Variants in OSBPL8 observed in about 807,000 individuals in gnomAD.
The protein encoded by OSBPL8 is oxysterol binding protein like 8.
Under a neutral mutation model 125.5 loss-of-function variants are expected in OSBPL8, and 59 were observed. The observed-to-expected ratio is 0.47, with a 90% CI of 0.38 to 0.58. The LOEUF (loss-of-function observed/expected upper bound fraction) is 0.58, where lower values mean the gene tolerates loss of function less well. OSBPL8 is among the 20% of genes least tolerant of loss of function. The probability of loss-of-function intolerance (pLI) is 0.00; values close to 1 mark genes in which losing one functional copy is unlikely to be tolerated. For missense variants in OSBPL8, 758 were observed against 1,047.8 expected, an observed-to-expected ratio of 0.72 and a Z score of 3.82; for synonymous variants, 330 against 338.9, an observed-to-expected ratio of 0.97 and a Z score of 0.29.
chr12:76,366,080 T>G (rs1373369030), intron 21 of OSBPL8, among the ~76,000 whole-genome samples: 1 of 152,232 alleles, frequency 6.6e-6, no homozygotes, highest in Non-Finnish European at 1.5e-5. Flanking sequence ...GCTTTGGCAT[T>G]AGGGTAATGT....
chr12:76,505,621 T>A (rs959745965), intron 1 of OSBPL8, among the ~76,000 whole-genome samples: 6 of 152,066 alleles, frequency 3.9e-5, no homozygotes, highest in African/African-American at 1.4e-4. Context: ...TAGGCTTCAT[T>A]GAAATGACTC....
At chr12:76,382,482 T>A (rs1185581376) in intron 15 of OSBPL8, among the ~76,000 whole-genome samples, 1 of 152,188 alleles carries the variant, frequency 6.6e-6, no homozygotes, top group African/African-American at 2.4e-5. Flanking sequence ...ATTCCTGGCA[T>A]CTACCTACTG....
chr12:76,514,791 T>C (rs1452069107), intron 1 of OSBPL8, among the ~76,000 whole-genome samples: 1 of 152,224 alleles, frequency 6.6e-6, no homozygotes, highest in African/African-American at 2.4e-5. Flanking sequence ...AAGACACCAA[T>C]GATTCATAGA....
chr12:76,439,331 A>C (rs1871893821), intron 4 of OSBPL8, among the ~76,000 whole-genome samples: 1 of 151,992 alleles, frequency 6.6e-6, no homozygotes, highest in African/African-American at 2.4e-5. Context: ...GTGACCCAAG[A>C]TCATGCCACT....
chr12:76,450,934 T>C lies in OSBPL8; in HGVS notation c.134A>G (p.Gln45Arg). The C allele has an allele frequency of 6.2e-7, 1 of 1,614,066 alleles. No homozygotes were observed. Among genetic ancestry groups the C allele is most frequent in the Admixed American group, 1.7e-5 (1 of 60,008 alleles). Residue 45 changes from glutamine to arginine, a missense_variant, in exon 4 of 24, where the codon CAG becomes CGG. Around this residue, in one of 3 missense-constraint regions of OSBPL8, gnomAD observed 117 missense variants for 137.1 expected, o/e 0.85. Coordinates refer to ENST00000261183, the MANE Select transcript of OSBPL8 (RefSeq NM_020841.5). The part of the protein sequence containing the change: ...SQLLTPGKMS[Q>R]RQGKEAYPTP... ...TGGATAAGCTTCTTTTCCTTGGCGCTGACTCATCTTTCCTGGTGTCAGAAG... is the reference window on the plus strand; with the variant it reads ...TGGATAAGCTTCTTTTCCTTGGCGCCGACTCATCTTTCCTGGTGTCAGAAG...
At chr12:76,471,065 TAAG>T (rs992888286) in intron 2 of OSBPL8, among the ~76,000 whole-genome samples, 1 of 152,170 alleles carries the variant, frequency 6.6e-6, no homozygotes, top group Non-Finnish European at 1.5e-5. Flanking sequence ...TCTCTTTCAA[TAAG>T]AATAAGAGAA....
At chr12:76,459,833 A>G (rs1874494032) in intron 3 of OSBPL8, 26 bp downstream of exon 3, 5 of 1,613,388 alleles carry the variant, frequency 3.1e-6, no homozygotes, top group Non-Finnish European at 4.2e-6. Flanking sequence ...GTCCCCAAAC[A>G]TGCCGTTCAA....
intron 5 of OSBPL8, among the ~76,000 whole-genome samples, chr12:76,406,848 T>C (rs1167017929): frequency 7.2e-5 from 11 of 151,914 alleles, no homozygotes; most frequent in African/African-American, 2.2e-4. Flanking sequence ...CCTGGGCTCA[T>C]GCAATTCTTC....
Position 76,384,308 on chromosome 12 carries a change from G to A in OSBPL8, c.1576C>T (p.Arg526Ter). 6.4e-7 allele frequency: 1 copy of A among 1,567,988 alleles called. No individual in the cohort carries two copies. The highest frequency in any genetic ancestry group is 8.7e-7 in the Non-Finnish European group (1 of 1,150,198). The change falls in exon 15 of 24, where the codon CGA becomes TGA. Residue 526 changes from arginine (R) to a stop codon, truncating the protein, a stop_gained. Coordinates refer to ENST00000261183, the MANE Select transcript of OSBPL8 (RefSeq NM_020841.5). LOFTEE classifies it high-confidence loss of function. Reference protein sequence around the residue: ...PPISAFYVSNRKDGFCLSGSI... With the variant: ...PPISAFYVSN ...CCGCTAAGGCAAAATCCATCTTTTC[G>A]ATTACTAACATAAAAGGCAGATATT... is the stretch of plus-strand genomic sequence containing the variant.
intron 4 of OSBPL8, among the ~76,000 whole-genome samples, chr12:76,421,860 A>G (rs527480364): frequency 6.6e-6 from 1 of 150,616 alleles, no homozygotes; most frequent in South Asian, 2.1e-4. Flanking sequence ...TTTAATGCCT[A>G]AATCATAGCT....
chr12:76,364,572 C>T (rs1377381212), intron 21 of OSBPL8, among the ~76,000 whole-genome samples: 3 of 152,140 alleles, frequency 2.0e-5, no homozygotes, highest in African/African-American at 7.2e-5. Context: ...ATGGGTGCAG[C>T]AAACCACCAT....
chr12:76,373,261 A>G, intron 18 of OSBPL8, 83 bp downstream of exon 18: 2 of 869,880 alleles, frequency 2.3e-6, no homozygotes, highest in Non-Finnish European at 1.7e-6. Flanking sequence ...TCAGCAACGG[A>G]ATAAGTTTTA....
rs73383553 is a variant in OSBPL8 at position 76,405,181 on chromosome 12, G to A, written c.289-2415C>T. 5.9e-3 allele frequency among the ~76,000 whole-genome samples: 892 copies of A among 152,182 alleles called. 13 individuals carry two copies. Among genetic ancestry groups the A allele is most frequent in the African/African-American group, 0.021 (857 of 41,516 alleles). ...TATGAACAAGGAGAAATCTGTGGCC[G>A]GGCATGGTGACTCATGCTGGTAATC... On this transcript the variant is annotated intron_variant, in intron 5 of 23. Transcript: ENST00000261183.
chr12:76,455,696 A>G (rs1294734473), intron 3 of OSBPL8, among the ~76,000 whole-genome samples: 1 of 152,208 alleles, frequency 6.6e-6, no homozygotes, highest in Non-Finnish European at 1.5e-5. Flanking sequence ...TAACAACTAT[A>G]CAGACAAAAG....
chr12:76,458,382 GT>G (rs1233443071), intron 3 of OSBPL8, among the ~76,000 whole-genome samples: 1 of 151,706 alleles, frequency 6.6e-6, no homozygotes, highest in Non-Finnish European at 1.5e-5. Flanking sequence ...AATATTTTGA[GT>G]TATTGCATTT....
At chr12:76,365,101 G>A (rs745713324) in intron 21 of OSBPL8, among the ~76,000 whole-genome samples, 22 of 152,028 alleles carry the variant, frequency 1.4e-4, no homozygotes, top group Non-Finnish European at 7.4e-5. Context: ...GACTACAGGC[G>A]TGTGCCACCA....
intron 2 of OSBPL8, among the ~76,000 whole-genome samples, chr12:76,467,345 C>G (rs1315677471): frequency 6.6e-6 from 1 of 152,184 alleles, no homozygotes; most frequent in Admixed American, 6.5e-5. Flanking sequence ...CACCTATATT[C>G]AGATAACTTC....
chr12:76,508,405 A>T (rs1288735503), intron 1 of OSBPL8, among the ~76,000 whole-genome samples: 3 of 152,198 alleles, frequency 2.0e-5, no homozygotes, highest in Non-Finnish European at 4.4e-5. Context: ...TTTACTATGA[A>T]GCTGAAAATT....
At chr12:76,438,637 G>C (rs1423410309) in intron 4 of OSBPL8, among the ~76,000 whole-genome samples, 1 of 152,132 alleles carries the variant, frequency 6.6e-6, no homozygotes, top group Non-Finnish European at 1.5e-5. Context: ...ACTTCACATG[G>C]TTAGGAAAGA....
Sources: allele counts gnomAD v4.1 joint callset (sites outside exome capture counted in the v4.1 genomes callset), GRCh38; gene constraint gnomAD v4.1.1; regional missense constraint gnomAD v4.1.1; transcripts MANE v1.5; gene names NCBI Gene and HGNC (gene_info 2026-07-23, HGNC 2026-07-21).